Variants in LINS1 observed in about 807,000 individuals in gnomAD.
LINS1 encodes protein Lines homolog 1.
Under a neutral mutation model 41.6 loss-of-function variants are expected in LINS1, and 27 were observed. The observed-to-expected ratio is 0.65, with a 90% CI of 0.48 to 0.89. The LOEUF is 0.89. LINS1 is among the 40% of genes least tolerant of loss of function. LINS1 has a pLI of 0.00. For missense variants in LINS1, 955 were observed against 884.1 expected (o/e 1.08, Z -1.02); for synonymous variants, 336 against 312.9 (o/e 1.07, Z -0.78).
chr15:100,587,178 A>AAC (rs2038844224), intron 1 of LINS1, among the ~76,000 whole-genome samples: 1 of 150,850 alleles, frequency 6.6e-6, no homozygotes, highest in East Asian at 1.9e-4. Flanking sequence ...AAAAAAAAAA[A>AAC]AAAACATTAG....
chr15:100,576,816 G>A (rs530581055), intron 3 of LINS1: 1 of 152,316 alleles, frequency 6.6e-6, no homozygotes, highest in East Asian at 1.9e-4. Context: ...ACATCAAAAA[G>A]CTTATCCACC....
At position 100,572,585 on chromosome 15, in the gene LINS1, T is replaced by C. The variant is rs1301790388; in HGVS notation, c.1223-520A>G. ...ATTTAAAACTGAATTATATAACAGG[T>C]GCCATCTAGTGTTATAAATTAAAAC... On this transcript the variant is annotated intron_variant, in intron 5 of 6. Coordinates refer to ENST00000314742, the MANE Select transcript of LINS1 (RefSeq NM_001040616.3). 17 of 994,182 alleles carry C rather than the reference T, an allele frequency of 1.7e-5. No individual in the cohort carries two copies. In the South Asian group the frequency reaches 6.7e-4, roughly 39 times the overall value. The allele number at this position is 994,182 out of a possible 1,614,324, so 61.6% of individuals were successfully genotyped here.
rs1405334637 is a variant in LINS1 at position 100,567,291 on chromosome 15, T to C, written c.*1947A>G. The C allele has an allele frequency of 1.3e-5, 2 of 152,214 alleles. No individual in the cohort carries two copies. Among genetic ancestry groups the C allele is most frequent in the South Asian group, 2.1e-4 (1 of 4,834 alleles). 9.4% of individuals were successfully genotyped at this position (152,214 alleles called of 1,614,324 possible). ...TAAAAATAACGGCTTGATAGTCTTA[T>C]GGGACCACTGTACTATGTGGTCTGT... On this transcript the variant is annotated 3_prime_UTR_variant, in exon 7 of 7. Coordinates refer to ENST00000314742, the MANE Select transcript of LINS1 (RefSeq NM_001040616.3).
At chr15:100,590,376 T>C (rs2038981792) in intron 1 of LINS1, among the ~76,000 whole-genome samples, 1 of 152,220 alleles carries the variant, frequency 6.6e-6, no homozygotes, top group African/African-American at 2.4e-5. Context: ...GAAATTTTAA[T>C]GGTACACACA....
intron 1 of LINS1, among the ~76,000 whole-genome samples, chr15:100,595,679 T>TA (rs1160501129): frequency 1.3e-5 from 2 of 152,086 alleles, no homozygotes. Flanking sequence ...ATATTAGAAG[T>TA]AAAAAAAATT....
intron 1 of LINS1, among the ~76,000 whole-genome samples, chr15:100,600,468 T>C (rs760283145): frequency 3.4e-5 from 5 of 146,424 alleles, no homozygotes; most frequent in Non-Finnish European, 4.5e-5. Flanking sequence ...TCTAAAACAA[T>C]GGCTTCCTAT....
At chr15:100,571,864 C>T (rs2037845671) in intron 6 of LINS1, 30 bp downstream of exon 6, 11 of 1,612,574 alleles carry the variant, frequency 6.8e-6, no homozygotes, top group East Asian at 2.2e-5. Flanking sequence ...ACTTGTAGGC[C>T]GTTCAATAAT....
chr15:100,601,565 T>C (rs2039496159), intron 1 of LINS1, among the ~76,000 whole-genome samples: 1 of 152,050 alleles, frequency 6.6e-6, no homozygotes, highest in South Asian at 2.1e-4. Context: ...ACCTATCTAA[T>C]ACAGCCCATC....
intron 1 of LINS1, among the ~76,000 whole-genome samples, chr15:100,600,929 G>A (rs1352759741): frequency 6.6e-6 from 1 of 152,114 alleles, no homozygotes; most frequent in African/African-American, 2.4e-5. Flanking sequence ...GGCCCTTCAA[G>A]ATCTGACTCT....
chr15:100,600,551 C>CCAAAAAAAAAAAA (rs777968890), intron 1 of LINS1, among the ~76,000 whole-genome samples: 1 of 79,674 alleles, frequency 1.3e-5, no homozygotes, highest in African/African-American at 6.7e-5. Flanking sequence ...TGCTGTTAAG[C>CCAAAAAAAAAAAA]AAAAAAAAAA....
rs996181460 is a variant in LINS1 at position 100,602,152 on chromosome 15, A to G, written c.-135T>C. The G allele has an allele frequency of 4.6e-5, 7 of 152,128 alleles. No individual in the cohort carries two copies. Among genetic ancestry groups the G allele is most frequent in the Admixed American group, 2.0e-4 (3 of 15,276 alleles). 9.4% of individuals were successfully genotyped at this position (152,128 alleles called of 1,614,324 possible). On this transcript the variant is annotated 5_prime_UTR_variant, in exon 1 of 7. Coordinates refer to ENST00000314742, the MANE Select transcript of LINS1 (RefSeq NM_001040616.3). The stretch of plus-strand genomic sequence containing the variant: ...TCTGGCTCAGGCGAACTCTCTTCAC[A>G]CCGCCATTTGAGGGAACACAAATGC...
intron 3 of LINS1, among the ~76,000 whole-genome samples, chr15:100,577,190 G>A (rs1374847615): frequency 6.6e-6 from 1 of 152,190 alleles, no homozygotes; most frequent in Non-Finnish European, 1.5e-5. Context: ...AATTAGGCAG[G>A]AGAAAGAAAC....
In LINS1 at chr15:100,569,278, T is replaced by G; in HGVS notation, c.2234A>C (p.Tyr745Ser). 1 of 1,607,586 alleles carries G rather than the reference T, an allele frequency of 6.2e-7. No individual in the cohort carries two copies. Among genetic ancestry groups the G allele is most frequent in the South Asian group, 1.1e-5 (1 of 90,914 alleles). ...AGTTTTATTACTTATCACCTCTATG[T>G]ATTTTAACAACTTCAAAAGTGCAGT... ...NPTALLKLLK[Y>S]IEVISNKTMN... Residue 745 changes from tyrosine to serine, a missense_variant, in exon 7 of 7, where the codon TAC becomes TCC. Coordinates refer to ENST00000314742, the MANE Select transcript of LINS1 (RefSeq NM_001040616.3).
intron 3 of LINS1, 72 bp from the exon 4 acceptor site, chr15:100,575,200 T>C (rs1051493906): frequency 3.6e-5 from 48 of 1,349,018 alleles, no homozygotes; most frequent in African/African-American, 2.9e-4. Context: ...GTATACAACA[T>C]TGTTTATACA....
At chr15:100,574,633 G>A (rs1271052555) in intron 4 of LINS1, among the ~76,000 whole-genome samples, 1 of 152,124 alleles carries the variant, frequency 6.6e-6, no homozygotes, top group Non-Finnish European at 1.5e-5. Flanking sequence ...ACTTGAACTC[G>A]CAAGGCAGGG....
intron 1 of LINS1, among the ~76,000 whole-genome samples, chr15:100,594,525 T>C (rs1188653953): frequency 6.6e-6 from 1 of 152,204 alleles, no homozygotes; most frequent in African/African-American, 2.4e-5. Context: ...TCTCTAAGGA[T>C]ACCAAAATCT....
chr15:100,569,317 A>G lies in LINS1; in HGVS notation c.2195T>C (p.Phe732Ser), dbSNP rs2037668448. ...CAAAAGTGCAGTTGGATTATATGGG[A>G]AAAGATTTTTCTTTTGCAAACGGCA... ...AICRLQKKNL[F>S]PYNPTALLKL... The change falls in exon 7 of 7, where the codon TTC becomes TCC. Residue 732 changes from phenylalanine to serine, a missense_variant. Physicochemically the swap from Phe to Ser is radical, Grantham distance 155 (BLOSUM62 -2). Transcript: ENST00000314742. The G allele has an allele frequency of 6.2e-7, 1 of 1,613,754 alleles. No individual in the cohort carries two copies. Among genetic ancestry groups the G allele is most frequent in the Non-Finnish European group, 8.5e-7 (1 of 1,179,782 alleles).
At chr15:100,589,672 GA>G (rs1452457437) in intron 1 of LINS1, among the ~76,000 whole-genome samples, 1 of 152,136 alleles carries the variant, frequency 6.6e-6, no homozygotes, top group Non-Finnish European at 1.5e-5. Context: ...ATAAATTACT[GA>G]AATACTTTAT....
intron 5 of LINS1, chr15:100,572,610 C>T: frequency 1.0e-6 from 1 of 991,700 alleles, no homozygotes; most frequent in Non-Finnish European, 1.2e-6. Flanking sequence ...TAAATTAAAA[C>T]TGCACAGAAT....
Sources: gnomAD v4.1 joint callset for allele counts (sites outside exome capture counted in the v4.1 genomes callset) on GRCh38, gnomAD v4.1.1 for gene constraint, MANE v1.5 for transcripts, NCBI Gene and HGNC (gene_info 2026-07-23, HGNC 2026-07-21) for gene names.